Variants in GRIP1 observed in about 807,000 individuals in gnomAD.
GRIP1 encodes the protein glutamate receptor-interacting protein 1.
A neutral mutation model predicts 129.9 loss-of-function variants in GRIP1; 45 were observed. The ratio of observed to expected loss-of-function variants is 0.35; its 90% CI spans 0.27 to 0.44. The LOEUF (loss-of-function observed/expected upper bound fraction) is 0.44, where lower values mean the gene tolerates loss of function less well. Among genes scored for constraint, GRIP1 ranks in the 20% least tolerant of loss-of-function variants. GRIP1 has a pLI of 1.00. For synonymous variants in GRIP1, 530 were observed against 520.8 expected (o/e 1.02, Z -0.24); for missense variants, 1,196 against 1,396.8 (o/e 0.86, Z 2.29).
chr12:66,406,340 G>A lies in GRIP1; in HGVS notation c.1927C>T (p.Leu643Phe), dbSNP rs749495087. Residue 643 changes from leucine (L) to phenylalanine (F), a missense_variant, in exon 16 of 25, where the codon CTC becomes TTC. By Grantham distance (22) the Leu-to-Phe change is conservative. This residue lies in a region of GRIP1 where 508 missense variants were observed against 587.0 expected (regional missense o/e 0.87). Transcript: ENST00000359742. Reference protein sequence around the residue: ...NCSMEDAVQILQQCEDLVKLK... With the variant: ...NCSMEDAVQIFQQCEDLVKLK... ...TTCACCAGGTCTTCACATTGCTGGA[G>A]GATCTGAACTGCATCTTCCATGGAA... is the stretch of plus-strand genomic sequence containing the variant. 6 of 1,613,608 alleles carry A rather than the reference G, an allele frequency of 3.7e-6. No individual in the cohort carries two copies. The Admixed American group carries it at 1.0e-4, about 27-fold the overall frequency.
chr12:66,995,245 T>C (rs1187336618), intron 1 of GRIP1, among the ~76,000 whole-genome samples: 1 of 149,382 alleles, frequency 6.7e-6, no homozygotes, highest in African/African-American at 2.4e-5. Flanking sequence ...ATAAAACTCA[T>C]GGAAGAAATT....
At chr12:66,639,416 A>G (rs1349083536) in intron 1 of GRIP1, among the ~76,000 whole-genome samples, 1 of 152,140 alleles carries the variant, frequency 6.6e-6, no homozygotes. Context: ...GCATTTGTGA[A>G]AGCACACAGC....
At position 66,641,897 on chromosome 12, in the gene GRIP1, A is replaced by G. The variant is rs368530535; in HGVS notation, c.55+36953T>C. Among the ~76,000 whole-genome samples, 87 of 152,350 alleles carry G rather than the reference A, an allele frequency of 5.7e-4. No homozygotes were observed. The East Asian group carries it at 0.012, about 22-fold the overall frequency. ...CCTTAAAAGTGAAGGACAGAGTAAT[A>G]GTTTTCATAACAGCCATACTGCCAA... is the stretch of plus-strand genomic sequence containing the variant. On this transcript the variant is annotated intron_variant, in intron 1 of 24. Transcript: ENST00000359742.
At chr12:66,506,448 T>G (rs2060529502) in intron 7 of GRIP1, among the ~76,000 whole-genome samples, 1 of 152,328 alleles carries the variant, frequency 6.6e-6, no homozygotes, top group Admixed American at 6.5e-5. Context: ...AGAAATACAC[T>G]GTATGATTTC....
At chr12:66,727,739 C>G (rs1731200992) in intron 1 of GRIP1, among the ~76,000 whole-genome samples, 1 of 151,972 alleles carries the variant, frequency 6.6e-6, no homozygotes, top group Non-Finnish European at 1.5e-5. Context: ...TAGAAAAAGA[C>G]TAGAAATGCC....
chr12:66,466,493 A>G (rs1467848963), intron 7 of GRIP1, among the ~76,000 whole-genome samples: 1 of 152,126 alleles, frequency 6.6e-6, no homozygotes, highest in Non-Finnish European at 1.5e-5. Context: ...ACAGAATTAA[A>G]ACATCTGGAT....
chr12:66,486,294 C>T (rs915394635), intron 7 of GRIP1, among the ~76,000 whole-genome samples: 2 of 151,826 alleles, frequency 1.3e-5, no homozygotes, highest in African/African-American at 2.4e-5. Flanking sequence ...TTTAAAAATA[C>T]TCTGTAGAAT....
intron 1 of GRIP1, among the ~76,000 whole-genome samples, chr12:66,897,216 G>C (rs867024169): frequency 3.2e-4 from 49 of 152,332 alleles, no homozygotes; most frequent in Non-Finnish European, 2.6e-4. Flanking sequence ...GAGGCACTCG[G>C]TATGTGTCAA....
intron 16 of GRIP1, among the ~76,000 whole-genome samples, chr12:66,396,239 C>T (rs1488296301): frequency 6.6e-6 from 1 of 152,196 alleles, no homozygotes; most frequent in Non-Finnish European, 1.5e-5. Context: ...ACAAACTTGT[C>T]AATGGGTGCC....
rs373794381 is a variant in GRIP1, at chr12:66,678,847, T to G, written c.55+3A>C. ...TGAGGGAATAACAAGGAAAGCACGA[T>G]ACCTTTAGTAAGTCGCCTCAGAATT... On this transcript the variant is annotated splice_donor_region_variant and intron_variant, in intron 1 of 24. Coordinates refer to ENST00000359742, the MANE Select transcript of GRIP1 (RefSeq NM_001366722.1). 8.1e-6 allele frequency: 13 copies of G among 1,612,844 alleles called. No individual in the cohort carries two copies. The African/African-American group carries it at 1.7e-4, about 22-fold the overall frequency.
intron 1 of GRIP1, chr12:67,037,508 ATTAT>A: frequency 2.6e-5 from 4 of 152,110 alleles, no homozygotes; most frequent in Admixed American, 2.6e-4. Context: ...AAAAAAATAA[ATTAT>A]TTAAGCTTTT....
intron 15 of GRIP1, among the ~76,000 whole-genome samples, chr12:66,413,340 GC>G (rs1565713766): frequency 3.3e-5 from 5 of 152,136 alleles, no homozygotes; most frequent in African/African-American, 9.7e-5. Context: ...TGAACAGCCT[GC>G]CCCTGAGTGA....
At chr12:66,777,986 G>C (rs1234346742) in intron 1 of GRIP1, among the ~76,000 whole-genome samples, 1 of 152,026 alleles carries the variant, frequency 6.6e-6, no homozygotes. Flanking sequence ...AAACACGCTA[G>C]TCCACATCAA....
intron 2 of GRIP1, among the ~76,000 whole-genome samples, chr12:66,565,717 G>GT (rs1243198067): frequency 2.0e-5 from 3 of 152,186 alleles, no homozygotes; most frequent in Non-Finnish European, 4.4e-5. Flanking sequence ...ACCTTGGGCA[G>GT]TATGGCCATT....
chr12:66,531,498 C>T (rs1390436260), intron 4 of GRIP1, among the ~76,000 whole-genome samples: 5 of 151,814 alleles, frequency 3.3e-5, no homozygotes, highest in Non-Finnish European at 7.4e-5. Flanking sequence ...CATTTAAATT[C>T]ATAAAACTGT....
chr12:66,562,119 T>C (rs1416858374), intron 2 of GRIP1, among the ~76,000 whole-genome samples: 1 of 151,998 alleles, frequency 6.6e-6, no homozygotes, highest in African/African-American at 2.4e-5. Context: ...CAAAACAAAA[T>C]AAAACAAAAG....
chr12:66,376,119 T>G (rs191513058), intron 22 of GRIP1, among the ~76,000 whole-genome samples: 83 of 152,378 alleles, frequency 5.4e-4, no homozygotes, highest in African/African-American at 1.8e-3. Context: ...TCCAGGACCT[T>G]TAACTGTGCT....
At chr12:66,642,366 C>T (rs1033813958) in intron 1 of GRIP1, among the ~76,000 whole-genome samples, 3 of 151,966 alleles carry the variant, frequency 2.0e-5, no homozygotes, top group Non-Finnish European at 4.4e-5. Flanking sequence ...GGGCTAGCAG[C>T]AGTTCAGGAC....
At chr12:67,033,162 A>G (rs1053896441) in intron 1 of GRIP1, among the ~76,000 whole-genome samples, 1 of 151,766 alleles carries the variant, frequency 6.6e-6, no homozygotes, top group Non-Finnish European at 1.5e-5. Context: ...CTTGCCGCCT[A>G]ATTATTCCTA....
Sources: gnomAD v4.1 joint callset for allele counts (sites outside exome capture counted in the v4.1 genomes callset) on GRCh38, gnomAD v4.1.1 for gene constraint, gnomAD v4.1.1 regional missense constraint, MANE v1.5 for transcripts, NCBI Gene and HGNC (gene_info 2026-07-23, HGNC 2026-07-21) for gene names.